Variants in FHIT observed in about 807,000 individuals in gnomAD.
FHIT encodes fragile histidine triad diadenosine triphosphatase.
Under a neutral mutation model 17.9 loss-of-function variants are expected in FHIT, and 19 were observed. That is an observed-to-expected ratio of 1.06 (90% CI 0.74 to 1.56). The LOEUF (loss-of-function observed/expected upper bound fraction) is 1.56, where lower values mean the gene tolerates loss of function less well. FHIT is among the 40% of genes most tolerant of loss of function. The pLI is 0.00. For missense variants in FHIT, 248 were observed against 189.2 expected (o/e 1.31, Z -1.82); for synonymous variants, 81 against 69.7 (o/e 1.16, Z -0.81).
intron 7 of FHIT, among the ~76,000 whole-genome samples, chr3:59,949,267 C>T (rs996697968): frequency 2.0e-5 from 3 of 152,370 alleles, no homozygotes; most frequent in South Asian, 2.1e-4. Context: ...AACTTCTTTA[C>T]AAATTTTCAC....
chr3:60,981,910 C>A (rs1710513674), intron 3 of FHIT, among the ~76,000 whole-genome samples: 1 of 152,184 alleles, frequency 6.6e-6, no homozygotes, highest in African/African-American at 2.4e-5. Flanking sequence ...CCCTCCACTT[C>A]TAATCCATAA....
At chr3:60,539,629 A>G (rs1576839186) in intron 4 of FHIT, among the ~76,000 whole-genome samples, 1 of 152,236 alleles carries the variant, frequency 6.6e-6, no homozygotes, top group Non-Finnish European at 1.5e-5. Flanking sequence ...GGATGAGTTC[A>G]TGTCCTTTGT....
intron 1 of FHIT, among the ~76,000 whole-genome samples, chr3:61,216,607 C>T (rs1389304223): frequency 6.6e-6 from 1 of 152,168 alleles, no homozygotes; most frequent in Non-Finnish European, 1.5e-5. Context: ...GGATCTAGAA[C>T]TAGAAATACC....
intron 5 of FHIT, among the ~76,000 whole-genome samples, chr3:60,058,733 G>A (rs748166018): frequency 6.6e-6 from 1 of 152,150 alleles, no homozygotes; most frequent in Admixed American, 6.5e-5. Context: ...GTGACAGCTA[G>A]CAACACTGTG....
intron 7 of FHIT, among the ~76,000 whole-genome samples, chr3:59,980,986 C>A (rs1425137802): frequency 6.6e-6 from 1 of 152,038 alleles, no homozygotes; most frequent in African/African-American, 2.4e-5. Flanking sequence ...TCTTGACAAC[C>A]TTTGTAGTTA....
At chr3:59,916,608 G>C (rs1249484151) in intron 8 of FHIT, among the ~76,000 whole-genome samples, 1 of 152,114 alleles carries the variant, frequency 6.6e-6, no homozygotes, top group East Asian at 1.9e-4. Flanking sequence ...TGCTAATTTT[G>C]TGTCTCTCTT....
rs545652653 is a variant in FHIT, at chr3:60,912,158, C to T, written c.-110-90147G>A. The stretch of plus-strand genomic sequence containing the variant: ...AGGAAAAATATGTATACTACTACTA[C>T]TAGAATAAGAATAAACTAGTAAACA... On this transcript the variant is annotated intron_variant, in intron 3 of 9. Coordinates refer to ENST00000492590, the MANE Select transcript of FHIT (RefSeq NM_002012.4). Among the ~76,000 whole-genome samples the T allele has an allele frequency of 5.2e-4, 79 of 152,148 alleles. 1 individual carries two copies. Among genetic ancestry groups the T allele is most frequent in the Middle Eastern group, 6.8e-3 (2 of 294 alleles).
chr3:61,233,749 G>A (rs936320098), intron 1 of FHIT, among the ~76,000 whole-genome samples: 4 of 152,152 alleles, frequency 2.6e-5, no homozygotes, highest in Admixed American at 6.5e-5. Context: ...CCAGGATCAA[G>A]AATGTGTCTC....
intron 2 of FHIT, among the ~76,000 whole-genome samples, chr3:61,060,435 T>A (rs1426199820): frequency 6.6e-6 from 1 of 152,168 alleles, no homozygotes; most frequent in Non-Finnish European, 1.5e-5. Flanking sequence ...CGACAGTCAA[T>A]CAGGAGACAT....
At chr3:59,954,774 T>C (rs1707309413) in intron 7 of FHIT, among the ~76,000 whole-genome samples, 1 of 152,172 alleles carries the variant, frequency 6.6e-6, no homozygotes, top group Non-Finnish European at 1.5e-5. Flanking sequence ...GGTTTCAGAA[T>C]GCTAGGAGGG....
intron 3 of FHIT, among the ~76,000 whole-genome samples, chr3:61,036,269 G>A (rs936123849): frequency 6.6e-6 from 1 of 152,094 alleles, no homozygotes; most frequent in African/African-American, 2.4e-5. Context: ...TCACTATTGT[G>A]GGGATAGCAC....
At chr3:60,402,170 A>G (rs1166483016) in intron 5 of FHIT, among the ~76,000 whole-genome samples, 1 of 152,214 alleles carries the variant, frequency 6.6e-6, no homozygotes, top group Non-Finnish European at 1.5e-5. Context: ...AAAATCTCAT[A>G]GACACTCACA....
intron 7 of FHIT, among the ~76,000 whole-genome samples, chr3:59,932,309 C>T (rs1706012790): frequency 6.6e-6 from 1 of 152,088 alleles, no homozygotes; most frequent in South Asian, 2.1e-4. Context: ...AGAGCTCTTC[C>T]ACTGAGATTC....
At chr3:59,854,889 G>C (rs1006170421) in intron 8 of FHIT, among the ~76,000 whole-genome samples, 4 of 152,096 alleles carry the variant, frequency 2.6e-5, no homozygotes, top group African/African-American at 7.2e-5. Flanking sequence ...TTTATCCAAC[G>C]GCACATCCCT....
intron 5 of FHIT, among the ~76,000 whole-genome samples, chr3:60,117,069 C>A (rs1227488441): frequency 1.3e-5 from 2 of 151,976 alleles, no homozygotes; most frequent in African/African-American, 2.4e-5. Context: ...AAAAGATGAA[C>A]TGAATCCCTG....
intron 5 of FHIT, among the ~76,000 whole-genome samples, chr3:60,166,882 G>T (rs995296004): frequency 1.3e-5 from 2 of 152,048 alleles, no homozygotes; most frequent in African/African-American, 4.8e-5. Context: ...AAGCAGCAAG[G>T]GCCTTCAGAA....
intron 4 of FHIT, among the ~76,000 whole-genome samples, chr3:60,750,633 C>T (rs2042446802): frequency 6.6e-6 from 1 of 152,146 alleles, no homozygotes; most frequent in Admixed American, 6.5e-5. Context: ...GAGGTCTCTC[C>T]AGCCATGTGG....
chr3:60,337,417 G>T (rs561292090), intron 5 of FHIT, among the ~76,000 whole-genome samples: 1 of 152,226 alleles, frequency 6.6e-6, no homozygotes, highest in East Asian at 1.9e-4. Flanking sequence ...AAATTTAAAT[G>T]AAGTAATGCC....
rs71089574 is a variant in FHIT, at chr3:60,066,630, A to ATTTTT, written c.104-52483_104-52479dup. On this transcript the variant is annotated intron_variant, in intron 5 of 9. Transcript: ENST00000492590. ...ATAGGTTGATTTTAATCCCTGACAA[A>ATTTTT]TTTTTTTTTTTTTTTTTTTTTTTTT... 3.4e-3 allele frequency among the ~76,000 whole-genome samples: 174 copies of ATTTTT among 51,408 alleles called. 26 individuals are homozygous for ATTTTT. The highest frequency in any genetic ancestry group is 5.0e-3 in the Admixed American group (14 of 2,816). 33.7% of individuals were successfully genotyped at this position (51,408 alleles called of 152,430 possible). A position where few individuals can be genotyped will look rare whatever the true frequency, so the allele number is the denominator to read the frequency against.
Sources: gnomAD v4.1 joint callset for allele counts (sites outside exome capture counted in the v4.1 genomes callset) on GRCh38, gnomAD v4.1.1 for gene constraint, MANE v1.5 for transcripts, NCBI Gene and HGNC (gene_info 2026-07-23, HGNC 2026-07-21) for gene names.